Variants in CD109 observed in about 807,000 individuals in gnomAD.
CD109 encodes the protein CD109 molecule, also known as CD109 antigen.
A neutral mutation model predicts 165.8 loss-of-function variants in CD109; 149 were observed. The observed-to-expected ratio is 0.90, with a 90% CI of 0.79 to 1.03. The LOEUF (loss-of-function observed/expected upper bound fraction) is 1.03. Among genes scored for constraint, CD109 ranks in the 50% least tolerant of loss-of-function variants. The probability of loss-of-function intolerance (pLI) is 0.00; values close to 1 mark genes in which losing one functional copy is unlikely to be tolerated. For missense variants in CD109, 1,712 were observed against 1,677.8 expected (o/e 1.02, Z -0.36); for synonymous variants, 585 against 592.1 (o/e 0.99, Z 0.18).
In CD109 at chr6:73,730,494, A is replaced by C; in HGVS notation, c.427A>C (p.Lys143Gln). 6.2e-7 allele frequency: 1 copy of C among 1,614,178 alleles called. No homozygotes were observed. Among genetic ancestry groups the C allele is most frequent in the Non-Finnish European group, 8.5e-7 (1 of 1,180,008 alleles). ...IQTDKALYKPKQEVKFRIVTL... is the reference protein window; with the variant it reads ...IQTDKALYKPQQEVKFRIVTL... ...AACAGACAAGGCCTTATACAAGCCA[A>C]AGCAAGAAGTGAAGTTTCGCATTGT... The change falls in exon 4 of 33, where the codon AAG becomes CAG. Residue 143 changes from lysine to glutamine, a missense_variant. Coordinates refer to ENST00000287097, the MANE Select transcript of CD109 (RefSeq NM_133493.5).
chr6:73,791,191 A>C (rs1774943545), intron 22 of CD109, among the ~76,000 whole-genome samples: 1 of 11,284 alleles, frequency 8.9e-5, no homozygotes, highest in African/African-American at 2.8e-4. Flanking sequence ...ACACACACAT[A>C]CATATATATA....
At chr6:73,760,585 C>T (rs1233156470) in intron 7 of CD109, among the ~76,000 whole-genome samples, 1 of 152,002 alleles carries the variant, frequency 6.6e-6, no homozygotes, top group Non-Finnish European at 1.5e-5. Flanking sequence ...GTGGCTCGTG[C>T]CTATAATCCC....
chr6:73,812,307 A>T, intron 29 of CD109, 37 bp downstream of exon 29: 1 of 1,301,368 alleles, frequency 7.7e-7, no homozygotes, highest in South Asian at 1.3e-5. Context: ...GTTAAATATG[A>T]CTTTTTATAA....
chr6:73,782,489 A>T, intron 17 of CD109, 125 bp from the exon 18 acceptor site: 1 of 858,966 alleles, frequency 1.2e-6, no homozygotes, highest in East Asian at 2.5e-5. Context: ...AAGGAACCTG[A>T]TACTCTCACT....
intron 19 of CD109, among the ~76,000 whole-genome samples, chr6:73,784,157 G>T (rs1204971967): frequency 6.6e-6 from 1 of 152,072 alleles, no homozygotes; most frequent in African/African-American, 2.4e-5. Flanking sequence ...CTTTCTATTT[G>T]TCCTCTTCAA....
intron 2 of CD109, among the ~76,000 whole-genome samples, chr6:73,716,087 T>C (rs1352271337): frequency 4.6e-5 from 7 of 152,250 alleles, no homozygotes; most frequent in Non-Finnish European, 2.9e-5. Context: ...GTTCCATCCA[T>C]GTTGTTGCAA....
At chr6:73,709,823 A>G (rs1771455333) in intron 2 of CD109, among the ~76,000 whole-genome samples, 1 of 152,240 alleles carries the variant, frequency 6.6e-6, no homozygotes, top group Admixed American at 6.5e-5. Flanking sequence ...GCATATAAAC[A>G]GAACCAAAGA....
Position 73,803,204 on chromosome 6 carries a change from C to G in CD109, c.2879-16C>G, listed in dbSNP as rs751562940. 6.4e-6 allele frequency: 10 copies of G among 1,569,578 alleles called. No individual in the cohort carries two copies. The South Asian group carries it at 1.1e-4, about 17-fold the overall frequency. On this transcript the variant is annotated splice_polypyrimidine_tract_variant and intron_variant, in intron 23 of 32. Transcript: ENST00000287097. ...GTTAATGATTACTTTGACTATCTGT[C>G]TATTTTTGTGTCTAGGTTACCAGAG... is the stretch of plus-strand genomic sequence containing the variant.
chr6:73,707,050 T>A (rs1771297471), intron 2 of CD109, among the ~76,000 whole-genome samples: 1 of 152,250 alleles, frequency 6.6e-6, no homozygotes, highest in Non-Finnish European at 1.5e-5. Context: ...TTCCTGTGCC[T>A]GTGCTCTTCG....
At chr6:73,760,829 A>T (rs1773590792) in intron 7 of CD109, among the ~76,000 whole-genome samples, 1 of 152,144 alleles carries the variant, frequency 6.6e-6, no homozygotes. Flanking sequence ...TGGGTGACAG[A>T]GCGAGACTCT....
At chr6:73,801,502 A>G (rs1278487481) in intron 23 of CD109, among the ~76,000 whole-genome samples, 2 of 152,234 alleles carry the variant, frequency 1.3e-5, no homozygotes, top group East Asian at 3.8e-4. Flanking sequence ...TTCTTTTACC[A>G]TAAGTCTTAA....
chr6:73,717,899 G>A (rs1420533289), intron 2 of CD109, among the ~76,000 whole-genome samples: 5 of 151,870 alleles, frequency 3.3e-5, no homozygotes, highest in Admixed American at 1.3e-4. Context: ...GATTACAGGC[G>A]TGAGCCACCG....
At chr6:73,752,476 A>G (rs1434060710) in intron 5 of CD109, among the ~76,000 whole-genome samples, 3 of 152,172 alleles carry the variant, frequency 2.0e-5, no homozygotes, top group African/African-American at 4.8e-5. Context: ...CACCCTCACA[A>G]TGAATTATTG....
intron 15 of CD109, among the ~76,000 whole-genome samples, chr6:73,779,341 C>T (rs1308185664): frequency 2.0e-5 from 3 of 151,810 alleles, no homozygotes; most frequent in East Asian, 1.9e-4. Flanking sequence ...CTCCGCCTCC[C>T]GGGTTCAAAC....
At chr6:73,741,629 T>C (rs1046079383) in intron 5 of CD109, among the ~76,000 whole-genome samples, 15 of 152,240 alleles carry the variant, frequency 9.9e-5, no homozygotes, top group African/African-American at 3.6e-4. Context: ...TCTTGATTGG[T>C]GTTGACAGTT....
At chr6:73,727,467 A>G (rs1231061713) in intron 3 of CD109, among the ~76,000 whole-genome samples, 2 of 152,238 alleles carry the variant, frequency 1.3e-5, no homozygotes, top group African/African-American at 4.8e-5. Context: ...GGAAAAGTTA[A>G]AAAAGCAAAT....
intron 2 of CD109, among the ~76,000 whole-genome samples, chr6:73,711,420 T>G (rs550203095): frequency 2.0e-5 from 3 of 152,228 alleles, no homozygotes; most frequent in Admixed American, 6.5e-5. Context: ...GGTTTTGTTC[T>G]GCTCAGAATA....
chr6:73,691,514 T>A (rs1770692972), upstream of CD109, among the ~76,000 whole-genome samples: 1 of 152,204 alleles, frequency 6.6e-6, no homozygotes. Context: ...CCTTCAGTTT[T>A]TCTGAATTGT....
chr6:73,751,862 T>A (rs1203025098), intron 5 of CD109, among the ~76,000 whole-genome samples: 5 of 152,230 alleles, frequency 3.3e-5, no homozygotes, highest in Admixed American at 6.5e-5. Flanking sequence ...CTTTCCACCT[T>A]GGTGATGGGT....
Sources: allele counts gnomAD v4.1 joint callset (sites outside exome capture counted in the v4.1 genomes callset), GRCh38; gene constraint gnomAD v4.1.1; transcripts MANE v1.5; gene names NCBI Gene and HGNC (gene_info 2026-07-23, HGNC 2026-07-21).